NFATC2: variants seen among roughly 807,000 people sequenced by gnomAD.
NFATC2 encodes nuclear factor of activated T cells 2, also known as nuclear factor of activated T-cells, cytoplasmic 2.
Under a neutral mutation model 87.3 loss-of-function variants are expected in NFATC2, and 22 were observed. The observed-to-expected ratio is 0.25, with a 90% CI of 0.18 to 0.36. The LOEUF (loss-of-function observed/expected upper bound fraction) is 0.36, where lower values mean the gene tolerates loss of function less well. Among genes scored for constraint, NFATC2 ranks in the 10% least tolerant of loss-of-function variants. The pLI, the probability that NFATC2 is intolerant of heterozygous loss-of-function variation, is 1.00. For synonymous variants in NFATC2, 565 were observed against 542.2 expected (o/e 1.04, Z -0.58); for missense variants, 1,149 against 1,259.1 (o/e 0.91, Z 1.32).
chr20:51,401,992 G>T (rs1010675448), intron 9 of NFATC2, among the ~76,000 whole-genome samples: 6 of 152,240 alleles, frequency 3.9e-5, no homozygotes, highest in Admixed American at 3.9e-4. Flanking sequence ...AACCCTGCGT[G>T]CATCTCCGTG....
intron 1 of NFATC2, among the ~76,000 whole-genome samples, chr20:51,557,217 T>G (rs1379008112): frequency 6.6e-6 from 1 of 152,146 alleles, no homozygotes; most frequent in African/African-American, 2.4e-5. Context: ...TGTGATAATA[T>G]CTGTAAAGTG....
At chr20:51,439,390 G>A (rs927961377) in intron 6 of NFATC2, among the ~76,000 whole-genome samples, 7 of 152,298 alleles carry the variant, frequency 4.6e-5, no homozygotes, top group Admixed American at 2.0e-4. Flanking sequence ...TGGGGAAGCC[G>A]GATTGGAACC....
upstream of NFATC2, among the ~76,000 whole-genome samples, chr20:51,547,659 C>G (rs114649526): frequency 2.6e-4 from 40 of 152,308 alleles, no homozygotes; most frequent in African/African-American, 9.4e-4. Flanking sequence ...GTGTCCAAAA[C>G]CAAACCCTAC....
At position 51,480,618 on chromosome 20, in the gene NFATC2, G is replaced by A. The variant is rs1387895556; in HGVS notation, c.1333-4958C>T. Among the ~76,000 whole-genome samples the A allele has an allele frequency of 6.6e-6, 1 of 152,120 alleles. No individual in the cohort carries two copies. Among genetic ancestry groups the A allele is most frequent in the Non-Finnish European group, 1.5e-5 (1 of 68,028 alleles). On this transcript the variant is annotated intron_variant, in intron 3 of 10. Transcript: ENST00000371564. The surrounding 1 kb of genome is among the most constrained non-coding windows in gnomAD (Gnocchi z 4.2). Reference sequence around the variant, plus strand: ...TGAAAGCACAAAGTTTTTCACTTTGGGTCAGACATATCTGAATTTCGATGC... The same window carrying A: ...TGAAAGCACAAAGTTTTTCACTTTGAGTCAGACATATCTGAATTTCGATGC...
chr20:51,561,486 AGCAAGC>A (rs1156842548), intron 1 of NFATC2, among the ~76,000 whole-genome samples: 1 of 72,962 alleles, frequency 1.4e-5, no homozygotes, highest in East Asian at 4.2e-4. Context: ...AAAGAAAGAA[AGCAAGC>A]AAGCAAGCAA....
intron 1 of NFATC2, among the ~76,000 whole-genome samples, chr20:51,554,393 C>A (rs534012432): frequency 5.5e-4 from 83 of 152,198 alleles, no homozygotes; most frequent in Non-Finnish European, 1.1e-3. Flanking sequence ...CACCTCTGGA[C>A]TCAGTGGCTC....
At chr20:51,440,649 T>A (rs17199672) in intron 6 of NFATC2, among the ~76,000 whole-genome samples, 22,865 of 152,184 alleles carry the variant, frequency 0.15, 2,084 homozygotes, top group East Asian at 0.35. Flanking sequence ...TGCACCCTTT[T>A]GGTACCAGAA....
intron 9 of NFATC2, among the ~76,000 whole-genome samples, chr20:51,422,587 T>C (rs930652881): frequency 2.9e-5 from 4 of 140,254 alleles, no homozygotes; most frequent in African/African-American, 1.1e-4. Context: ...TTTTTTTTTC[T>C]GAAAGGGTGG....
At chr20:51,443,612 T>C (rs1208340614) in intron 6 of NFATC2, among the ~76,000 whole-genome samples, 10 of 152,298 alleles carry the variant, frequency 6.6e-5, no homozygotes, top group Admixed American at 2.6e-4. Flanking sequence ...CCAGTGCCAT[T>C]GACCAGAAGT....
intron 9 of NFATC2, among the ~76,000 whole-genome samples, chr20:51,406,333 G>T (rs1196834258): frequency 1.3e-5 from 2 of 152,086 alleles, no homozygotes; most frequent in African/African-American, 4.8e-5. Flanking sequence ...CTTTTATCAG[G>T]GTTGGGCAGT....
At chr20:51,549,707 G>A (rs1423997041) in intron 1 of NFATC2, among the ~76,000 whole-genome samples, 1 of 152,168 alleles carries the variant, frequency 6.6e-6, no homozygotes, top group Non-Finnish European at 1.5e-5. Flanking sequence ...GATAATACCT[G>A]AGTTACCATT....
At chr20:51,484,280 A>C (rs1398943483) in intron 3 of NFATC2, among the ~76,000 whole-genome samples, 1 of 151,816 alleles carries the variant, frequency 6.6e-6, no homozygotes, top group Non-Finnish European at 1.5e-5. Context: ...TCCTCAGGTG[A>C]CCTCTCATCA....
Position 51,524,228 on chromosome 20 carries a change from T to G in NFATC2, c.131-118A>C, listed in dbSNP as rs992872247. 1.2e-5 allele frequency: 11 copies of G among 943,966 alleles called. No individual in the cohort carries two copies. The highest frequency in any genetic ancestry group is 1.6e-5 in the Non-Finnish European group (11 of 702,360). 58.5% of individuals were successfully genotyped at this position (943,966 alleles called of 1,614,324 possible). On this transcript the variant is annotated intron_variant, in intron 1 of 10. Transcript: ENST00000371564. This position sits in a 1 kb window ranked among gnomAD's most constrained non-coding sequence, Gnocchi z 4.0. Reference sequence around the variant, plus strand: ...GTTTATTTTTTTCAAATTCCCACCATGCCAAACCCCAAGCTAGAAGCTCCG... The same window carrying G: ...GTTTATTTTTTTCAAATTCCCACCAGGCCAAACCCCAAGCTAGAAGCTCCG...
chr20:51,435,664 G>A (rs73910848), intron 7 of NFATC2, 42 bp downstream of exon 7: 42 of 1,586,386 alleles, frequency 2.6e-5, no homozygotes, highest in Middle Eastern at 1.7e-4. Context: ...AGAGGGAAAC[G>A]TGAGGGGGAT....
chr20:51,527,449 G>A (rs1331196098), intron 1 of NFATC2, among the ~76,000 whole-genome samples: 1 of 152,134 alleles, frequency 6.6e-6, no homozygotes, highest in African/African-American at 2.4e-5. Flanking sequence ...CATAACGACT[G>A]AGGAACTGTG....
At chr20:51,515,367 A>T (rs746766884) in intron 3 of NFATC2, among the ~76,000 whole-genome samples, 2 of 152,240 alleles carry the variant, frequency 1.3e-5, no homozygotes, top group Admixed American at 6.5e-5. Flanking sequence ...CCTTCAGAAC[A>T]GGCACATGCC....
At chr20:51,478,797 T>C (rs1278689858) in intron 3 of NFATC2, among the ~76,000 whole-genome samples, 2 of 152,158 alleles carry the variant, frequency 1.3e-5, no homozygotes, top group African/African-American at 2.4e-5. Context: ...ACCACCCCAC[T>C]AGGCTCCTGC....
intron 3 of NFATC2, among the ~76,000 whole-genome samples, chr20:51,479,113 C>CT (rs113175648): frequency 2.7e-5 from 4 of 148,834 alleles, no homozygotes; most frequent in East Asian, 1.9e-4. Context: ...TAGATCAGGG[C>CT]TTTTTTTTTC....
intron 1 of NFATC2, among the ~76,000 whole-genome samples, chr20:51,548,484 G>T (rs573799305): frequency 6.6e-6 from 1 of 152,278 alleles, no homozygotes; most frequent in East Asian, 1.9e-4. Flanking sequence ...GATATCTAGG[G>T]TTGCCAAGTT....
Sources: gnomAD v4.1 joint callset for allele counts (sites outside exome capture counted in the v4.1 genomes callset) on GRCh38, gnomAD v4.1.1 for gene constraint, Gnocchi (gnomAD v3.1) non-coding constraint, MANE v1.5 for transcripts, NCBI Gene and HGNC (gene_info 2026-07-23, HGNC 2026-07-21) for gene names.